The following PPFIBP2 variants were observed in gnomAD, a reference collection of about 807,000 sequenced individuals.
PPFIBP2 encodes the protein PPFIB scaffold protein 2.
In PPFIBP2, 118 loss-of-function variants were observed where a neutral mutation model predicts 118.3. That is an observed-to-expected ratio of 1.00 (90% CI 0.86 to 1.16). The LOEUF is 1.16. Among genes scored for constraint, PPFIBP2 ranks in the 50% most tolerant of loss-of-function variants. The probability of loss-of-function intolerance (pLI) is 0.00; values close to 1 mark genes in which losing one functional copy is unlikely to be tolerated. For synonymous variants in PPFIBP2, 414 were observed against 397.4 expected, an observed-to-expected ratio of 1.04 and a Z score of -0.50; for missense variants, 1,195 against 1,073.1, an observed-to-expected ratio of 1.11 and a Z score of -1.59.
chr11:7,614,218 T>C (rs1438842794), intron 6 of PPFIBP2, among the ~76,000 whole-genome samples: 2 of 152,214 alleles, frequency 1.3e-5, no homozygotes, highest in Non-Finnish European at 2.9e-5. Context: ...AAAGGGTATA[T>C]AGCAAAAGGT....
intron 2 of PPFIBP2, among the ~76,000 whole-genome samples, chr11:7,549,949 G>A (rs190872643): frequency 2.3e-4 from 35 of 152,320 alleles, no homozygotes; most frequent in African/African-American, 8.2e-4. Flanking sequence ...ATGGTCTCCA[G>A]TGTGTTTCAG....
intron 1 of PPFIBP2, among the ~76,000 whole-genome samples, chr11:7,514,677 A>G (rs1352342813): frequency 2.6e-5 from 4 of 152,192 alleles, no homozygotes; most frequent in African/African-American, 9.7e-5. Flanking sequence ...AGACTGCAGG[A>G]TGGGGACGGT....
chr11:7,590,954 C>T (rs1028945322), intron 3 of PPFIBP2, among the ~76,000 whole-genome samples: 21 of 152,288 alleles, frequency 1.4e-4, no homozygotes, highest in African/African-American at 4.8e-4. Flanking sequence ...TTTGATTTTA[C>T]CATACTGATC....
chr11:7,665,256 G>T, the PPFIBP2 span: 1 of 867,412 alleles, frequency 1.2e-6, no homozygotes, highest in Non-Finnish European at 1.7e-6. Flanking sequence ...GAACCAGTGT[G>T]TGCGCGAAGG....
intron 3 of PPFIBP2, among the ~76,000 whole-genome samples, chr11:7,590,377 A>T (rs1048389858): frequency 2.0e-5 from 3 of 152,130 alleles, no homozygotes; most frequent in African/African-American, 7.2e-5. Context: ...TTGCTGGAGA[A>T]CGGTGATTTT....
At chr11:7,655,189 C>T (rs572803890), downstream of PPFIBP2, among the ~76,000 whole-genome samples, 5 of 152,282 alleles carry the variant, frequency 3.3e-5, 1 homozygote, top group South Asian at 1.0e-3. Context: ...AATGCCAGTT[C>T]CCAGTGGGGC....
At chr11:7,603,912 C>T (rs1846990441) in intron 5 of PPFIBP2, among the ~76,000 whole-genome samples, 1 of 152,152 alleles carries the variant, frequency 6.6e-6, no homozygotes, top group African/African-American at 2.4e-5. Flanking sequence ...CAATTGGGAG[C>T]AGAAGCAGAA....
intron 2 of PPFIBP2, among the ~76,000 whole-genome samples, chr11:7,562,112 C>G (rs915993503): frequency 2.6e-5 from 4 of 152,226 alleles, no homozygotes; most frequent in African/African-American, 9.6e-5. Context: ...GAATCTAACG[C>G]CACCAGTGAT....
chr11:7,665,859 TTGTCCGGCAGGG>T, the PPFIBP2 span: 1 of 1,535,780 alleles, frequency 6.5e-7, no homozygotes, highest in Non-Finnish European at 8.7e-7. Context: ...CCAGCTGGAG[TTGTCCGGCAGGG>T]TGTGGCCTGG....
chr11:7,608,657 A>T (rs911251731), intron 5 of PPFIBP2, among the ~76,000 whole-genome samples: 1 of 152,202 alleles, frequency 6.6e-6, no homozygotes, highest in African/African-American at 2.4e-5. Context: ...ACAAACAAAC[A>T]AACAAACAAA....
At position 7,562,966 on chromosome 11, in the gene PPFIBP2, T is replaced by TACACACACACAC. The variant is rs1401185159; in HGVS notation, c.65-2586_65-2585insCACACACACACA. Among the ~76,000 whole-genome samples the TACACACACACAC allele has an allele frequency of 1.2e-3, 89 of 74,134 alleles. 2 individuals carry two copies. The highest frequency in any genetic ancestry group is 5.5e-3 in the African/African-American group (86 of 15,682). 48.6% of individuals were successfully genotyped at this position (74,134 alleles called of 152,430 possible). A position where few individuals can be genotyped will look rare whatever the true frequency, so the allele number is the denominator to read the frequency against. On this transcript the variant is annotated intron_variant, in intron 2 of 23. Coordinates refer to ENST00000299492, the MANE Select transcript of PPFIBP2 (RefSeq NM_003621.5). ...ATATATATATATATATATATATATA[T>TACACACACACAC]ATATATATATACACGCACACACACA...
chr11:7,665,591 G>A, the PPFIBP2 span: 1 of 1,550,544 alleles, frequency 6.4e-7, no homozygotes, highest in Non-Finnish European at 8.7e-7. Flanking sequence ...ATGCCAGGTG[G>A]AGTTCCTGAT....
intron 1 of PPFIBP2, among the ~76,000 whole-genome samples, chr11:7,549,221 T>G (rs559336475): frequency 2.6e-5 from 4 of 152,218 alleles, no homozygotes; most frequent in African/African-American, 9.6e-5. Flanking sequence ...CTGGTGGTTT[T>G]TCATTACAGA....
At chr11:7,629,333 C>T (rs56298316) in intron 9 of PPFIBP2, 126 bp from the exon 10 acceptor site, 63,551 of 911,018 alleles carry the variant, frequency 0.07, 2,619 homozygotes, top group Middle Eastern at 0.1. Context: ...GGCCTGGACA[C>T]TCTTTTCCTT....
At chr11:7,598,053 G>A (rs368236081) in intron 5 of PPFIBP2, 3 of 171,192 alleles carry the variant, frequency 1.8e-5, no homozygotes, top group East Asian at 3.2e-4. Context: ...TTCCCATCTC[G>A]CTCTGCCTCT....
intron 23 of PPFIBP2, among the ~76,000 whole-genome samples, chr11:7,652,377 T>C (rs1236351787): frequency 6.6e-6 from 1 of 152,232 alleles, no homozygotes; most frequent in African/African-American, 2.4e-5. Context: ...CAAAGCCCTT[T>C]AGACCTGCCT....
At chr11:7,560,873 T>C (rs1854226453) in intron 2 of PPFIBP2, among the ~76,000 whole-genome samples, 1 of 152,240 alleles carries the variant, frequency 6.6e-6, no homozygotes, top group Admixed American at 6.5e-5. Flanking sequence ...AAATGTTCTA[T>C]TTACCAATGC....
the PPFIBP2 span, chr11:7,666,888 C>A: frequency 1.9e-5 from 4 of 207,556 alleles, no homozygotes; most frequent in Non-Finnish European, 3.9e-5. Flanking sequence ...CTACACTGAG[C>A]TCTAGCACAG....
chr11:7,630,708 C>T (rs1373835548), intron 10 of PPFIBP2, among the ~76,000 whole-genome samples: 1 of 152,054 alleles, frequency 6.6e-6, no homozygotes, highest in Admixed American at 6.6e-5. Flanking sequence ...GGGTACATTA[C>T]CTCTGTTCTG....
Sources: gnomAD v4.1 joint callset for allele counts (sites outside exome capture counted in the v4.1 genomes callset) on GRCh38, gnomAD v4.1.1 for gene constraint, MANE v1.5 for transcripts, NCBI Gene and HGNC (gene_info 2026-07-23, HGNC 2026-07-21) for gene names.